TENM1: variants seen among roughly 807,000 people sequenced by gnomAD.
TENM1 encodes teneurin transmembrane protein 1, also known as teneurin-1.
In TENM1, 35 loss-of-function variants were observed where a neutral mutation model predicts 174.8. That is an observed-to-expected ratio of 0.20 (90% CI 0.15 to 0.27). The LOEUF (loss-of-function observed/expected upper bound fraction) is 0.27, where lower values mean the gene tolerates loss of function less well. Ranked by LOEUF, TENM1 falls within the 10% of genes least tolerant of loss-of-function variation. TENM1 has a pLI of 1.00. For synonymous variants in TENM1, 781 were observed against 798.7 expected (o/e 0.98, Z 0.37); for missense variants, 1,633 against 2,130.1 (o/e 0.77, Z 4.59).
the TENM1 span, among the ~76,000 whole-genome samples, chrX:125,128,782 TTTAAAGTACTTATCACAGTAAC>T: frequency 9.0e-6 from 1 of 111,424 alleles, no homozygotes; most frequent in Non-Finnish European, 1.9e-5. Flanking sequence ...AGATAGTTCA[TTTAAAGTACTTATCACAGTAAC>T]TGGCACACAC....
At chrX:124,448,110 T>G (rs769796824) in intron 23 of TENM1, among the ~76,000 whole-genome samples, 1 of 111,624 alleles carries the variant, frequency 9.0e-6, no homozygotes, top group Non-Finnish European at 1.9e-5. Context: ...ATTCTGAAAT[T>G]GTCAGTCAAC....
intron 3 of TENM1, among the ~76,000 whole-genome samples, chrX:124,807,953 A>C (rs948253581): frequency 2.7e-5 from 3 of 109,950 alleles, no homozygotes; most frequent in African/African-American, 9.9e-5. Context: ...CTACAAAACT[A>C]CTAGAAAACA....
At chrX:124,905,810 C>T in intron 1 of TENM1, among the ~76,000 whole-genome samples, 1 of 111,587 alleles carries the variant, frequency 9.0e-6, no homozygotes, top group Non-Finnish European at 1.9e-5. Flanking sequence ...TTCACCTGCA[C>T]TCTGGACAGC....
chrX:124,973,816 G>A, the TENM1 span, among the ~76,000 whole-genome samples: 3 of 111,757 alleles, frequency 2.7e-5, no homozygotes, highest in Non-Finnish European at 5.6e-5. Flanking sequence ...CAGGGACATG[G>A]ATGAAGCTGG....
At chrX:124,562,794 A>G (rs2048847560) in intron 13 of TENM1, among the ~76,000 whole-genome samples, 1 of 112,539 alleles carries the variant, frequency 8.9e-6, no homozygotes, top group African/African-American at 3.2e-5. Flanking sequence ...ACACAGGACC[A>G]GACGTGAATT....
chrX:124,479,010 A>G (rs755909206), intron 22 of TENM1, among the ~76,000 whole-genome samples: 1 of 112,490 alleles, frequency 8.9e-6, no homozygotes, highest in African/African-American at 3.2e-5. Context: ...TCTCACTTCT[A>G]ATTCACTGAC....
chrX:124,545,790 T>A (rs183794467), intron 15 of TENM1, among the ~76,000 whole-genome samples: 2 of 111,781 alleles, frequency 1.8e-5, no homozygotes, highest in Non-Finnish European at 3.8e-5. Flanking sequence ...TTTGACTAGA[T>A]CCCCTGGCAG....
the TENM1 span, among the ~76,000 whole-genome samples, chrX:125,061,001 TTA>T: frequency 0.33 from 33,973 of 104,503 alleles, 5,824 homozygotes; most frequent in African/African-American, 0.63. Context: ...CTTGGAGATT[TTA>T]TATATATATA....
At chrX:124,457,768 G>T (rs985782211) in intron 22 of TENM1, among the ~76,000 whole-genome samples, 4 of 111,822 alleles carry the variant, frequency 3.6e-5, no homozygotes, top group Non-Finnish European at 7.5e-5. Context: ...GTTTTTGGCT[G>T]TGTAGAATGC....
intron 1 of TENM1, among the ~76,000 whole-genome samples, chrX:124,940,488 T>G (rs2147749607): frequency 8.9e-6 from 1 of 112,059 alleles, no homozygotes; most frequent in South Asian, 3.7e-4. Context: ...TATTCTAAAC[T>G]TTCTTTTGTT....
intron 3 of TENM1, among the ~76,000 whole-genome samples, chrX:124,834,317 G>T (rs1804150930): frequency 9.0e-6 from 1 of 111,049 alleles, no homozygotes; most frequent in Admixed American, 9.6e-5. Flanking sequence ...GATTACAGGT[G>T]CCTGCCACCA....
chrX:124,553,623 TA>T (rs767529045), intron 14 of TENM1, among the ~76,000 whole-genome samples: 5,513 of 78,944 alleles, frequency 0.07, 205 homozygotes, highest in African/African-American at 0.15. Flanking sequence ...ATCTTGCCTT[TA>T]AAAAAAAAAA....
intron 22 of TENM1, among the ~76,000 whole-genome samples, chrX:124,477,992 G>A (rs775883554): frequency 7.8e-4 from 85 of 108,554 alleles, no homozygotes; most frequent in Non-Finnish European, 1.3e-3. Flanking sequence ...ATCATGCATT[G>A]TTGTGAACAT....
intron 6 of TENM1, among the ~76,000 whole-genome samples, chrX:124,666,489 AAAAAAACC>A (rs2051767890): frequency 8.9e-6 from 1 of 111,749 alleles, no homozygotes; most frequent in Non-Finnish European, 1.9e-5. Flanking sequence ...TGGCTTATGC[AAAAAAACC>A]GTAACAATGA....
At chrX:124,556,300 C>T (rs1487100322) in intron 14 of TENM1, among the ~76,000 whole-genome samples, 3 of 82,366 alleles carry the variant, frequency 3.6e-5, no homozygotes, top group Admixed American at 1.6e-4. Flanking sequence ...AAAAATTAGT[C>T]GGAGGGGCGG....
the TENM1 span, among the ~76,000 whole-genome samples, chrX:125,197,352 A>G: frequency 8.9e-6 from 1 of 111,797 alleles, no homozygotes; most frequent in Admixed American, 9.6e-5. Context: ...AAATAGAAAA[A>G]CAATTGAAAA....
At chrX:124,420,588 T>C (rs2060640447) in exon 25 of TENM1, 1 of 1,212,178 alleles carries the variant, frequency 8.2e-7, no homozygotes, top group Non-Finnish European at 1.1e-6. Flanking sequence ...ACATAGTCCC[T>C]TGTTATCAAG....
chrX:125,023,448 G>T, the TENM1 span, among the ~76,000 whole-genome samples: 1 of 110,775 alleles, frequency 9.0e-6, no homozygotes, highest in African/African-American at 3.3e-5. Flanking sequence ...TGTGAGAATG[G>T]ACTAATACAC....
intron 11 of TENM1, among the ~76,000 whole-genome samples, chrX:124,609,707 A>G (rs2050240152): frequency 9.0e-6 from 1 of 111,679 alleles, no homozygotes; most frequent in African/African-American, 3.3e-5. Flanking sequence ...GTGAAAACCT[A>G]CAGTGCAGGA....
Sources: gnomAD v4.1 joint callset for allele counts (sites outside exome capture counted in the v4.1 genomes callset) on GRCh38, gnomAD v4.1.1 for gene constraint, MANE v1.5 for transcripts, NCBI Gene and HGNC (gene_info 2026-07-23, HGNC 2026-07-21) for gene names.